The following ULK4 variants were observed in gnomAD, a reference collection of about 807,000 sequenced individuals.
ULK4 encodes unc-51 like kinase 4.
ULK4 carries 133 observed loss-of-function variants against 160.6 expected under a neutral mutation model. The observed-to-expected ratio is 0.83, with a 90% CI of 0.72 to 0.96. The LOEUF (loss-of-function observed/expected upper bound fraction) is 0.96, where lower values mean the gene tolerates loss of function less well. Among genes scored for constraint, ULK4 ranks in the 40% least tolerant of loss-of-function variants. ULK4 has a pLI of 0.00. For synonymous variants in ULK4, 534 were observed against 539.8 expected (o/e 0.99, Z 0.15); for missense variants, 1,580 against 1,499.5 (o/e 1.05, Z -0.89).
chr3:41,536,369 A>G (rs11919007), intron 32 of ULK4, among the ~76,000 whole-genome samples: 106 of 68,280 alleles, frequency 1.6e-3, no homozygotes, highest in African/African-American at 6.6e-3. Flanking sequence ...GGAACTGACA[A>G]ACATTTTCTT....
At chr3:41,648,959 A>G (rs370385143) in intron 30 of ULK4, among the ~76,000 whole-genome samples, 225 of 152,148 alleles carry the variant, frequency 1.5e-3, no homozygotes, top group African/African-American at 5.2e-3. Flanking sequence ...GAAACCCCAC[A>G]TCTACTGAAA....
chr3:41,687,033 T>C (rs1472043516), intron 27 of ULK4, among the ~76,000 whole-genome samples: 6 of 151,930 alleles, frequency 3.9e-5, no homozygotes, highest in Admixed American at 2.0e-4. Flanking sequence ...CAGTGAGCTA[T>C]GAGTGCACCA....
chr3:41,580,474 A>C (rs967022339), intron 31 of ULK4, among the ~76,000 whole-genome samples: 1 of 152,076 alleles, frequency 6.6e-6, no homozygotes. Flanking sequence ...GTGGTTCAAC[A>C]CAATGTAGGC....
intron 4 of ULK4, among the ~76,000 whole-genome samples, chr3:41,934,532 A>G (rs1214148727): frequency 6.6e-6 from 1 of 152,256 alleles, no homozygotes; most frequent in Non-Finnish European, 1.5e-5. Flanking sequence ...ACCAAAAAGT[A>G]TCCTAGAAAC....
intron 18 of ULK4, among the ~76,000 whole-genome samples, chr3:41,832,782 T>C (rs2041634036): frequency 6.6e-6 from 1 of 152,216 alleles, no homozygotes; most frequent in Non-Finnish European, 1.5e-5. Context: ...CCCAGCACCA[T>C]TTATTAAATA....
At chr3:41,463,559 C>G (rs556228590) in intron 32 of ULK4, among the ~76,000 whole-genome samples, 58 of 152,258 alleles carry the variant, frequency 3.8e-4, no homozygotes, top group African/African-American at 1.4e-3. Flanking sequence ...TGAGGACTCC[C>G]TGGCACTGAA....
At chr3:41,598,959 G>A (rs557561512) in intron 31 of ULK4, among the ~76,000 whole-genome samples, 69 of 152,324 alleles carry the variant, frequency 4.5e-4, no homozygotes, top group African/African-American at 1.5e-3. Context: ...AGGCTCCAGG[G>A]GAAAATCTGT....
chr3:41,775,423 C>T lies in ULK4; in HGVS notation c.2193+14238G>A, dbSNP rs541117875. The stretch of plus-strand genomic sequence containing the variant: ...CCTTTTTTTTTTTTTTATGGTGATG[C>T]AGTCTTGCTCTGTCACCCAGGCTGG... On this transcript the variant is annotated intron_variant, in intron 21 of 36. Coordinates refer to ENST00000301831, the MANE Select transcript of ULK4 (RefSeq NM_017886.4). Among the ~76,000 whole-genome samples the T allele has an allele frequency of 1.8e-4, 26 of 142,348 alleles. 2 individuals carry two copies. Among genetic ancestry groups the T allele is most frequent in the African/African-American group, 7.1e-4 (26 of 36,784 alleles). The allele number at this position is 142,348 out of a possible 152,430, so 93.4% of individuals were successfully genotyped here.
chr3:41,711,613 G>T (rs952195700), intron 25 of ULK4, among the ~76,000 whole-genome samples: 3 of 152,166 alleles, frequency 2.0e-5, no homozygotes, highest in African/African-American at 7.2e-5. Flanking sequence ...AAAATCTACA[G>T]AGGGCAGGAA....
chr3:41,784,488 T>C (rs1390400531), intron 21 of ULK4, among the ~76,000 whole-genome samples: 1 of 152,218 alleles, frequency 6.6e-6, no homozygotes, highest in African/African-American at 2.4e-5. Flanking sequence ...AGGTGGTTTT[T>C]TACTTTGATT....
At chr3:41,764,280 T>C (rs1013699042) in intron 21 of ULK4, among the ~76,000 whole-genome samples, 1 of 152,242 alleles carries the variant, frequency 6.6e-6, no homozygotes. Flanking sequence ...TTAGCAGTTA[T>C]GAATTCAAGT....
At chr3:41,803,983 T>C (rs1225297458) in intron 19 of ULK4, among the ~76,000 whole-genome samples, 1 of 152,166 alleles carries the variant, frequency 6.6e-6, no homozygotes, top group East Asian at 1.9e-4. Context: ...TGATTTATAG[T>C]CCTTTGGGTA....
intron 30 of ULK4, among the ~76,000 whole-genome samples, chr3:41,641,657 A>G (rs1322484253): frequency 6.6e-6 from 1 of 152,212 alleles, no homozygotes; most frequent in African/African-American, 2.4e-5. Context: ...ACTTCTAGGA[A>G]GAGTTCCAGA....
chr3:41,582,131 T>C (rs1486221428), intron 31 of ULK4, among the ~76,000 whole-genome samples: 2 of 152,206 alleles, frequency 1.3e-5, no homozygotes, highest in Non-Finnish European at 2.9e-5. Flanking sequence ...AATTTCCCCA[T>C]ACTGTTCTCA....
At chr3:41,499,488 G>A (rs977788877) in intron 32 of ULK4, among the ~76,000 whole-genome samples, 5 of 152,090 alleles carry the variant, frequency 3.3e-5, no homozygotes, top group Non-Finnish European at 1.5e-5. Context: ...AGAACACCTT[G>A]GGCAAATTTT....
intron 35 of ULK4, among the ~76,000 whole-genome samples, chr3:41,362,901 A>G (rs1272208678): frequency 1.3e-5 from 2 of 152,244 alleles, no homozygotes; most frequent in African/African-American, 4.8e-5. Flanking sequence ...CCAGGCACCA[A>G]GAGAGCAGAG....
intron 16 of ULK4, among the ~76,000 whole-genome samples, chr3:41,889,591 T>C (rs1316324845): frequency 6.6e-6 from 1 of 152,134 alleles, no homozygotes; most frequent in African/African-American, 2.4e-5. Flanking sequence ...TGGTACTTAC[T>C]AAGCTTAGTA....
intron 35 of ULK4, among the ~76,000 whole-genome samples, chr3:41,280,519 C>T (rs543300210): frequency 5.9e-5 from 9 of 152,206 alleles, no homozygotes; most frequent in Non-Finnish European, 1.2e-4. Context: ...CAAAACCGCA[C>T]AACTACATGG....
At chr3:41,909,649 A>G (rs544702119) in intron 11 of ULK4, among the ~76,000 whole-genome samples, 25 of 152,148 alleles carry the variant, frequency 1.6e-4, no homozygotes, top group African/African-American at 6.0e-4. Flanking sequence ...AGGGAGGTGG[A>G]GGCTGCAGTA....
Sources: allele counts gnomAD v4.1 joint callset (sites outside exome capture counted in the v4.1 genomes callset), GRCh38; gene constraint gnomAD v4.1.1; transcripts MANE v1.5; gene names NCBI Gene and HGNC (gene_info 2026-07-23, HGNC 2026-07-21).